ASIC2: variants seen among roughly 807,000 people sequenced by gnomAD.
ASIC2 encodes acid sensing ion channel subunit 2.
ASIC2 carries 25 observed loss-of-function variants against 57.3 expected under a neutral mutation model. That is an observed-to-expected ratio of 0.44 (90% CI 0.32 to 0.61). The LOEUF (loss-of-function observed/expected upper bound fraction) is 0.61, where lower values mean the gene tolerates loss of function less well. ASIC2 is among the 20% of genes least tolerant of loss of function. ASIC2 has a pLI of 0.06. For synonymous variants in ASIC2, 319 were observed against 307.5 expected (o/e 1.04, Z -0.39); for missense variants, 641 against 738.1 (o/e 0.87, Z 1.52).
intron 1 of ASIC2, among the ~76,000 whole-genome samples, chr17:34,033,836 C>G (rs185448382): frequency 2.0e-5 from 3 of 152,264 alleles, no homozygotes; most frequent in Admixed American, 2.0e-4. Flanking sequence ...CTGAATAGAC[C>G]AATCACAGGC....
At chr17:33,848,323 C>CT (rs1913670570) in intron 1 of ASIC2, among the ~76,000 whole-genome samples, 2 of 152,154 alleles carry the variant, frequency 1.3e-5, no homozygotes, top group African/African-American at 4.8e-5. Flanking sequence ...GTGGGGCATC[C>CT]TTTTTTTCTC....
rs1907989431 is a variant in ASIC2 at position 34,038,810 on chromosome 17, G to A, written c.555+117168C>T. The stretch of plus-strand genomic sequence containing the variant: ...CCACTGTTTCTGCTCATTGGTTGCA[G>A]GAGGGGCCTGACCCATGGCAGGAGG... On this transcript the variant is annotated intron_variant, in intron 1 of 9. Transcript: ENST00000359872. The A allele has an allele frequency of 3.1e-6, 5 of 1,611,982 alleles. No homozygotes were observed. In the Admixed American group the frequency reaches 5.0e-5, roughly 16 times the overall value.
At chr17:33,818,831 C>G (rs559623552) in intron 1 of ASIC2, among the ~76,000 whole-genome samples, 1 of 152,338 alleles carries the variant, frequency 6.6e-6, no homozygotes, top group Admixed American at 6.5e-5. Flanking sequence ...TTTCCTAGAG[C>G]AGCCCTTGGC....
At chr17:33,667,955 C>T (rs767898003) in intron 1 of ASIC2, among the ~76,000 whole-genome samples, 11 of 152,204 alleles carry the variant, frequency 7.2e-5, no homozygotes, top group Non-Finnish European at 1.6e-4. Context: ...TCCAGGCCTG[C>T]TCAAAACAAG....
chr17:33,527,222 G>A (rs1038251334), intron 1 of ASIC2, among the ~76,000 whole-genome samples: 1 of 152,140 alleles, frequency 6.6e-6, no homozygotes, highest in African/African-American at 2.4e-5. Context: ...CTGTCCAGTG[G>A]GCAGATCTAA....
At chr17:33,513,621 G>T (rs1022951948) in intron 1 of ASIC2, among the ~76,000 whole-genome samples, 1 of 152,196 alleles carries the variant, frequency 6.6e-6, no homozygotes, top group African/African-American at 2.4e-5. Flanking sequence ...GGGCATTTTT[G>T]TCCTGTCTTC....
At chr17:34,053,239 C>A (rs962685931) in intron 1 of ASIC2, among the ~76,000 whole-genome samples, 1 of 152,086 alleles carries the variant, frequency 6.6e-6, no homozygotes, top group South Asian at 2.1e-4. Context: ...TTATTATGAT[C>A]GTATATTAAG....
At chr17:33,904,727 C>T (rs1981143) in intron 1 of ASIC2, among the ~76,000 whole-genome samples, 14,069 of 152,144 alleles carry the variant, frequency 0.092, 1,229 homozygotes, top group East Asian at 0.29. Flanking sequence ...TTTAGAAGGA[C>T]CCCTCATAGA....
At chr17:34,038,184 G>T (rs576031628) in intron 1 of ASIC2, 2 of 1,612,520 alleles carry the variant, frequency 1.2e-6, no homozygotes, top group Non-Finnish European at 1.7e-6. Flanking sequence ...ATGATGGGAG[G>T]TTTTATTTCA....
intron 1 of ASIC2, among the ~76,000 whole-genome samples, chr17:33,413,472 C>A (rs538543895): frequency 6.6e-6 from 1 of 152,346 alleles, no homozygotes; most frequent in African/African-American, 2.4e-5. Context: ...ACTTCTCTCC[C>A]TCTCTGTTGC....
intron 1 of ASIC2, among the ~76,000 whole-genome samples, chr17:33,353,128 C>T (rs1010398728): frequency 6.6e-6 from 1 of 152,114 alleles, no homozygotes; most frequent in East Asian, 1.9e-4. Context: ...TGAATGGCTC[C>T]CTAAATCTAT....
intron 1 of ASIC2, among the ~76,000 whole-genome samples, chr17:33,478,927 T>C (rs1235885063): frequency 6.6e-6 from 1 of 152,210 alleles, no homozygotes. Flanking sequence ...CATGTTCAGG[T>C]TGCATGTCAA....
At chr17:33,295,523 C>A (rs546452710), upstream of ASIC2, among the ~76,000 whole-genome samples, 1 of 152,336 alleles carries the variant, frequency 6.6e-6, no homozygotes, top group Admixed American at 6.5e-5. Flanking sequence ...TTCTCCCAGA[C>A]AAACTTGGGT....
At chr17:33,651,040 A>G (rs1339745257) in intron 1 of ASIC2, among the ~76,000 whole-genome samples, 1 of 152,238 alleles carries the variant, frequency 6.6e-6, no homozygotes, top group Non-Finnish European at 1.5e-5. Flanking sequence ...TTATAGCTGC[A>G]TGTAAATCTA....
At chr17:33,412,740 G>C (rs1280436961) in intron 1 of ASIC2, among the ~76,000 whole-genome samples, 1 of 152,190 alleles carries the variant, frequency 6.6e-6, no homozygotes, top group African/African-American at 2.4e-5. Context: ...GAGAGTGTGA[G>C]AGGAGCAATG....
At chr17:33,573,639 C>G (rs1278500387) in intron 1 of ASIC2, among the ~76,000 whole-genome samples, 1 of 152,186 alleles carries the variant, frequency 6.6e-6, no homozygotes. Flanking sequence ...GATCTTGGCT[C>G]ACTGCAACTT....
At chr17:34,083,874 T>G (rs2142081299) in intron 1 of ASIC2, among the ~76,000 whole-genome samples, 2 of 152,322 alleles carry the variant, frequency 1.3e-5, no homozygotes, top group South Asian at 4.1e-4. Flanking sequence ...GGGTTGTTTG[T>G]TTTTTTCTTG....
chr17:33,942,498 C>T (rs1332136241), intron 1 of ASIC2, among the ~76,000 whole-genome samples: 1 of 152,162 alleles, frequency 6.6e-6, no homozygotes, highest in Non-Finnish European at 1.5e-5. Context: ...CTCTGCCTTC[C>T]ACCTCCTTTT....
At chr17:34,122,367 A>C (rs995529190) in intron 1 of ASIC2, among the ~76,000 whole-genome samples, 1 of 152,228 alleles carries the variant, frequency 6.6e-6, no homozygotes, top group Non-Finnish European at 1.5e-5. Context: ...ACCAGAATGA[A>C]TGAAGGAATG....
Sources: gnomAD v4.1 joint callset for allele counts (sites outside exome capture counted in the v4.1 genomes callset) on GRCh38, gnomAD v4.1.1 for gene constraint, MANE v1.5 for transcripts, NCBI Gene and HGNC (gene_info 2026-07-23, HGNC 2026-07-21) for gene names.